Variants in PRKDC observed in about 807,000 individuals in gnomAD.
PRKDC encodes DNA-dependent protein kinase catalytic subunit.
A neutral mutation model predicts 486.9 loss-of-function variants in PRKDC; 82 were observed. The observed-to-expected ratio is 0.17, with a 90% CI of 0.14 to 0.20. The LOEUF (loss-of-function observed/expected upper bound fraction) is 0.20, where lower values mean the gene tolerates loss of function less well. PRKDC is among the 10% of genes least tolerant of loss of function. The probability of loss-of-function intolerance (pLI) is 1.00; values close to 1 mark genes in which losing one functional copy is unlikely to be tolerated. For missense variants in PRKDC, 4,504 were observed against 5,038.2 expected (o/e 0.89, Z 3.21); for synonymous variants, 1,895 against 1,837.0 (o/e 1.03, Z -0.81).
At chr8:47,884,718 G>C (rs2089291149) in intron 36 of PRKDC, among the ~76,000 whole-genome samples, 1 of 152,158 alleles carries the variant, frequency 6.6e-6, no homozygotes, top group Non-Finnish European at 1.5e-5. Flanking sequence ...TGCAATAAAA[G>C]CTCAACTTAG....
chr8:47,912,541 G>C lies in PRKDC; in HGVS notation c.2803C>G (p.His935Asp). ...QTKVAACELL[H>D]SMVMFMLGKA... Reference sequence around the variant, plus strand: ...CCCAACATAAACATAACCATGCTATGTAAAAGTTCACAGGCTGCAACCTAA... The same window carrying C: ...CCCAACATAAACATAACCATGCTATCTAAAAGTTCACAGGCTGCAACCTAA... Residue 935 changes from histidine (H) to aspartate (D), a missense_variant, in exon 25 of 86, where the codon CAT becomes GAT. Coordinates refer to ENST00000314191, the MANE Select transcript of PRKDC (RefSeq NM_006904.7). 1 of 1,612,326 alleles carries C rather than the reference G, an allele frequency of 6.2e-7. No homozygotes were observed.
rs762178843 is a variant in PRKDC, at chr8:47,861,731, G to A, written c.5985+331C>T. ...CATGACTTTTCCATGATCCTGCCACGTTGCCCAAGCAAGGCCACTGTAAGG... is the reference window on the plus strand; with the variant it reads ...CATGACTTTTCCATGATCCTGCCACATTGCCCAAGCAAGGCCACTGTAAGG... On this transcript the variant is annotated intron_variant, in intron 44 of 85. Transcript: ENST00000314191. Among the ~76,000 whole-genome samples the A allele has an allele frequency of 6.4e-4, 97 of 152,232 alleles. 3 individuals carry two copies. Among genetic ancestry groups the A allele is most frequent in the Non-Finnish European group, 1.0e-4 (7 of 68,034 alleles).
intron 76 of PRKDC, among the ~76,000 whole-genome samples, 161 bp downstream of exon 76, chr8:47,788,745 T>C (rs1348872850): frequency 6.6e-6 from 1 of 152,200 alleles, no homozygotes; most frequent in Non-Finnish European, 1.5e-5. Flanking sequence ...TATCAATGTG[T>C]CACAGAAAGC....
chr8:47,809,152 G>A (rs1177566219), intron 68 of PRKDC, among the ~76,000 whole-genome samples: 4 of 150,552 alleles, frequency 2.7e-5, no homozygotes, highest in African/African-American at 9.8e-5. Context: ...GGGGAGGGGA[G>A]GGGAGAAGGA....
At chr8:47,854,420 G>A (rs1482463028) in intron 50 of PRKDC, among the ~76,000 whole-genome samples, 1 of 152,060 alleles carries the variant, frequency 6.6e-6, no homozygotes, top group East Asian at 1.9e-4. Context: ...CTTGCTGCAA[G>A]CTCTGCCCCC....
intron 42 of PRKDC, 140 bp downstream of exon 42, chr8:47,863,259 C>T: frequency 1.5e-6 from 1 of 646,344 alleles, no homozygotes; most frequent in East Asian, 3.2e-5. Context: ...TTAAAGTTCA[C>T]CTAAGTGGTT....
intron 15 of PRKDC, among the ~76,000 whole-genome samples, 164 bp from the exon 16 acceptor site, chr8:47,933,336 A>G (rs1367025635): frequency 1.3e-5 from 2 of 152,210 alleles, no homozygotes; most frequent in Admixed American, 1.3e-4. Flanking sequence ...AAGTTGCAAG[A>G]TACCTTCCTA....
intron 21 of PRKDC, among the ~76,000 whole-genome samples, chr8:47,920,504 G>A (rs181480049): frequency 6.6e-6 from 1 of 152,286 alleles, no homozygotes; most frequent in East Asian, 1.9e-4. Flanking sequence ...ATACAGATAT[G>A]TAAATTGAGT....
At chr8:47,892,613 G>GGT (rs1452061527) in intron 31 of PRKDC, among the ~76,000 whole-genome samples, 1 of 152,178 alleles carries the variant, frequency 6.6e-6, no homozygotes, top group African/African-American at 2.4e-5. Context: ...TTACAGGAGA[G>GGT]AGCCTCTGCA....
rs2089919071 is a variant in PRKDC at position 47,912,410 on chromosome 8, C to T, written c.2934G>A (p.Gln978=). The T allele has an allele frequency of 6.4e-7, 1 of 1,570,394 alleles. No individual in the cohort carries two copies. The highest frequency in any genetic ancestry group is 8.6e-7 in the Non-Finnish European group (1 of 1,156,514). ...ACTATTTCAGATTCAAAGCCCTTACCTGATCAACATCACACGCAAGTCGAA... is the reference window on the plus strand; with the variant it reads ...ACTATTTCAGATTCAAAGCCCTTACTTGATCAACATCACACGCAAGTCGAA... The part of the protein sequence containing the change: ...VLLRLACDVD[Q]VTRQLYEPLV... The change falls in exon 25 of 86, where the codon CAG becomes CAA. Residue 978 remains glutamine, a splice_region_variant and synonymous_variant. Transcript: ENST00000314191.
At position 47,801,947 on chromosome 8, in the gene PRKDC, T is replaced by G. The variant is rs75913147; in HGVS notation, c.9923-961A>C. ...AGGCTGTTATGAACTACAACCATAC[T>G]CTGTGTAATTATTATTATATGGGTA... On this transcript the variant is annotated intron_variant, in intron 70 of 85. Coordinates refer to ENST00000314191, the MANE Select transcript of PRKDC (RefSeq NM_006904.7). 8.0e-4 allele frequency among the ~76,000 whole-genome samples: 122 copies of G among 152,346 alleles called. 1 individual carries two copies. The highest frequency in any genetic ancestry group is 2.7e-3 in the African/African-American group (113 of 41,576).
chr8:47,864,646 C>T lies in PRKDC; in HGVS notation c.5481G>A (p.Leu1827=). 6.2e-7 allele frequency: 1 copy of T among 1,609,238 alleles called. No homozygotes were observed. ...QSFVDRSLLT[L]LWHCSLDALR... is the part of the protein sequence containing the mutation. Reference sequence around the variant, plus strand: ...AAGCATCCAGGCTACAGTGCCACAGCAGAGTGAGGAGGGAGCGGTCCACAA... The same window carrying T: ...AAGCATCCAGGCTACAGTGCCACAGTAGAGTGAGGAGGGAGCGGTCCACAA... Residue 1827 remains leucine, a synonymous_variant, in exon 41 of 86, where the codon CTG becomes CTA. Transcript: ENST00000314191.
At chr8:47,845,177 C>T (rs2088238621) in intron 54 of PRKDC, among the ~76,000 whole-genome samples, 1 of 151,966 alleles carries the variant, frequency 6.6e-6, no homozygotes, top group Non-Finnish European at 1.5e-5. Flanking sequence ...GCCGAGATCG[C>T]TACCACTGCA....
At chr8:47,925,786 T>C (rs2090147286) in intron 21 of PRKDC, among the ~76,000 whole-genome samples, 1 of 152,074 alleles carries the variant, frequency 6.6e-6, no homozygotes, top group Non-Finnish European at 1.5e-5. Flanking sequence ...AAACACACAA[T>C]AGAGAAAGTA....
intron 28 of PRKDC, 115 bp downstream of exon 28, chr8:47,900,258 T>C (rs928197009): frequency 5.0e-6 from 3 of 596,322 alleles, no homozygotes; most frequent in Admixed American, 4.1e-5. Context: ...ATTTATTAAT[T>C]TATAGAACTC....
intron 7 of PRKDC, among the ~76,000 whole-genome samples, chr8:47,949,133 C>G (rs1292562836): frequency 1.3e-5 from 2 of 152,228 alleles, no homozygotes; most frequent in African/African-American, 4.8e-5. Flanking sequence ...CTTCCAGATC[C>G]CCTTCCTCTG....
chr8:47,814,692 G>GATATGCC (rs921195545), intron 68 of PRKDC, among the ~76,000 whole-genome samples: 1 of 152,064 alleles, frequency 6.6e-6, no homozygotes, highest in Non-Finnish European at 1.5e-5. Flanking sequence ...AATTAACAGA[G>GATATGCC]ATATGCCATA....
rs1485393027 is a variant in PRKDC at position 47,933,074 on chromosome 8, C to T, written c.1722G>A (p.Lys574=). ...GTGTAAGATCCAATTTCTCAACAAT[C>T]TTCAAAACGGATTTTACAAATTCAT... is the stretch of plus-strand genomic sequence containing the variant. ...LYDEFVKSVL[K]IVEKLDLTLE... is the part of the protein sequence containing the mutation. Residue 574 remains lysine (K), a synonymous_variant, in exon 16 of 86, where the codon AAG becomes AAA. Coordinates refer to ENST00000314191, the MANE Select transcript of PRKDC (RefSeq NM_006904.7). 1 of 1,594,820 alleles carries T rather than the reference C, an allele frequency of 6.3e-7. No individual in the cohort carries two copies. Among genetic ancestry groups the T allele is most frequent in the Admixed American group, 1.8e-5 (1 of 56,472 alleles).
chr8:47,791,331 G>C (rs185709180), intron 74 of PRKDC, among the ~76,000 whole-genome samples: 16 of 151,850 alleles, frequency 1.1e-4, no homozygotes, highest in Non-Finnish European at 2.1e-4. Flanking sequence ...AAAAATTAGC[G>C]GGGCATGGTG....
Sources: gnomAD v4.1 joint callset for allele counts (sites outside exome capture counted in the v4.1 genomes callset) on GRCh38, gnomAD v4.1.1 for gene constraint, MANE v1.5 for transcripts, NCBI Gene and HGNC (gene_info 2026-07-23, HGNC 2026-07-21) for gene names.